Variants in NBEA observed in about 807,000 individuals in gnomAD.
NBEA encodes the protein neurobeachin, also known as lysosomal-trafficking regulator 2.
A neutral mutation model predicts 343.4 loss-of-function variants in NBEA; 44 were observed. The observed-to-expected ratio is 0.13, with a 90% confidence interval of 0.10 to 0.16. The LOEUF is 0.16. NBEA is among the 10% of genes least tolerant of loss of function. NBEA has a pLI of 1.00. For synonymous variants in NBEA, 1,175 were observed against 1,238.7 expected (o/e 0.95, Z 1.08); for missense variants, 2,555 against 3,631.3 (o/e 0.70, Z 7.62).
chr13:35,157,061 A>G lies in NBEA; in HGVS notation c.2652-17A>G. ...AATTTGGATATTTTTAATGAGATCA[A>G]ATTTTTTTCTCCCTAGATGCTTATT... On this transcript the variant is annotated splice_polypyrimidine_tract_variant and intron_variant, in intron 20 of 58. Coordinates refer to ENST00000379939, the MANE Select transcript of NBEA (RefSeq NM_001385012.1). 2 of 1,511,692 alleles carry G rather than the reference A, an allele frequency of 1.3e-6. No individual in the cohort carries two copies. The highest frequency in any genetic ancestry group is 2.7e-5 in the South Asian group (2 of 72,930). 93.6% of individuals were successfully genotyped at this position (1,511,692 alleles called of 1,614,324 possible).
chr13:35,443,796 C>T (rs2045859764), intron 39 of NBEA, among the ~76,000 whole-genome samples: 2 of 151,892 alleles, frequency 1.3e-5, no homozygotes, highest in Admixed American at 6.6e-5. Flanking sequence ...TATTCAGTAT[C>T]ACTAACAGTT....
chr13:35,317,070 C>T (rs1298036298), intron 36 of NBEA, among the ~76,000 whole-genome samples: 1 of 152,076 alleles, frequency 6.6e-6, no homozygotes, highest in Admixed American at 6.6e-5. Context: ...TGCCTGTTCC[C>T]TGTGATGATA....
intron 10 of NBEA, among the ~76,000 whole-genome samples, chr13:35,082,915 T>C (rs2064502268): frequency 6.6e-6 from 1 of 152,210 alleles, no homozygotes; most frequent in South Asian, 2.1e-4. Context: ...AGAAGCTCTT[T>C]AGTTTAATTA....
chr13:35,172,757 C>T (rs1196858422), intron 26 of NBEA, among the ~76,000 whole-genome samples: 2 of 152,068 alleles, frequency 1.3e-5, no homozygotes, highest in Non-Finnish European at 2.9e-5. Context: ...TTTACATATG[C>T]TAAAACTGAG....
chr13:35,541,356 C>T (rs767529762), intron 41 of NBEA, among the ~76,000 whole-genome samples: 3 of 151,870 alleles, frequency 2.0e-5, no homozygotes, highest in Non-Finnish European at 4.4e-5. Flanking sequence ...TCCTGTTCAC[C>T]ATTGGTTCCT....
intron 44 of NBEA, among the ~76,000 whole-genome samples, chr13:35,561,280 T>C (rs548544902): frequency 1.3e-5 from 2 of 152,232 alleles, no homozygotes; most frequent in Admixed American, 1.3e-4. Context: ...GATGTTGTGA[T>C]CTATTATGTA....
intron 16 of NBEA, among the ~76,000 whole-genome samples, chr13:35,121,338 C>G (rs1432557067): frequency 6.6e-6 from 1 of 152,066 alleles, no homozygotes; most frequent in Non-Finnish European, 1.5e-5. Context: ...AACTTCTGCG[C>G]TCAGGCAGTC....
At chr13:35,350,171 A>G (rs559141003) in intron 37 of NBEA, among the ~76,000 whole-genome samples, 1 of 152,288 alleles carries the variant, frequency 6.6e-6, no homozygotes, top group East Asian at 1.9e-4. Context: ...CACTAAGAAA[A>G]TCAAGATAAT....
chr13:35,261,282 G>A (rs1416979906), intron 34 of NBEA, among the ~76,000 whole-genome samples: 1 of 152,146 alleles, frequency 6.6e-6, no homozygotes, highest in African/African-American at 2.4e-5. Flanking sequence ...GCAGGCTGAG[G>A]CGGGTGGATC....
At chr13:35,431,277 A>G (rs2045093356) in intron 38 of NBEA, among the ~76,000 whole-genome samples, 1 of 152,124 alleles carries the variant, frequency 6.6e-6, no homozygotes, top group South Asian at 2.1e-4. Flanking sequence ...AATGAAATGA[A>G]ATCTTCTAGG....
chr13:35,650,768 T>C (rs2084478966), intron 52 of NBEA, among the ~76,000 whole-genome samples: 1 of 152,146 alleles, frequency 6.6e-6, no homozygotes, highest in South Asian at 2.1e-4. Flanking sequence ...GCAGAGTGGA[T>C]GTGACCAAAT....
rs543952393 is a variant in NBEA, at chr13:35,270,219, A to G, written c.5777-20170A>G. ...TCTACCAATAAAACAACCTCCACAT[A>G]GAGAAATTATACTCTTTTGTCATAA... On this transcript the variant is annotated intron_variant, in intron 34 of 58. Coordinates refer to ENST00000379939, the MANE Select transcript of NBEA (RefSeq NM_001385012.1). Among the ~76,000 whole-genome samples the G allele has an allele frequency of 5.9e-5, 9 of 152,332 alleles. No individual in the cohort carries two copies. The South Asian group carries it at 1.2e-3, about 21-fold the overall frequency.
At chr13:35,584,314 CTTTTTT>C (rs67450016) in intron 46 of NBEA, among the ~76,000 whole-genome samples, 2 of 134,308 alleles carry the variant, frequency 1.5e-5, no homozygotes, top group Non-Finnish European at 3.2e-5. Context: ...GAGTACATAC[CTTTTTT>C]TTTTTTTTTT....
chr13:35,107,384 T>C (rs887445442), intron 11 of NBEA, among the ~76,000 whole-genome samples: 1 of 151,934 alleles, frequency 6.6e-6, no homozygotes, highest in African/African-American at 2.4e-5. Flanking sequence ...TTGTAGGCTA[T>C]TGCTTATGTA....
chr13:35,528,283 T>G (rs2078081147), intron 41 of NBEA, among the ~76,000 whole-genome samples: 1 of 152,234 alleles, frequency 6.6e-6, no homozygotes, highest in Non-Finnish European at 1.5e-5. Flanking sequence ...CTGTTTGTCT[T>G]TTTTTGTTCT....
intron 41 of NBEA, among the ~76,000 whole-genome samples, chr13:35,499,472 G>C (rs746932313): frequency 6.6e-6 from 1 of 152,010 alleles, no homozygotes; most frequent in African/African-American, 2.4e-5. Context: ...CAGCTGCTCT[G>C]TTCTCATGTG....
intron 33 of NBEA, among the ~76,000 whole-genome samples, chr13:35,229,867 T>A (rs1452982353): frequency 6.6e-6 from 1 of 152,082 alleles, no homozygotes; most frequent in Non-Finnish European, 1.5e-5. Context: ...TTGTGGGGAA[T>A]CTGTAAAAAG....
intron 17 of NBEA, among the ~76,000 whole-genome samples, chr13:35,131,163 G>A (rs1229047776): frequency 6.6e-6 from 1 of 151,880 alleles, no homozygotes; most frequent in Non-Finnish European, 1.5e-5. Flanking sequence ...TAACGGCAAG[G>A]CCAAAAAGCC....
intron 10 of NBEA, among the ~76,000 whole-genome samples, chr13:35,096,392 T>A (rs1238058173): frequency 6.6e-6 from 1 of 151,802 alleles, no homozygotes; most frequent in Non-Finnish European, 1.5e-5. Flanking sequence ...TATTTCTGTT[T>A]TTGTAATGGA....
Sources: allele counts gnomAD v4.1 joint callset (sites outside exome capture counted in the v4.1 genomes callset), GRCh38; gene constraint gnomAD v4.1.1; transcripts MANE v1.5; gene names NCBI Gene and HGNC (gene_info 2026-07-23, HGNC 2026-07-21).